The following INTS2 variants were observed in gnomAD, a reference collection of about 807,000 sequenced individuals.
INTS2 encodes KIAA1287.
In INTS2, 57 loss-of-function variants were observed where a neutral mutation model predicts 139.6. The ratio of observed to expected loss-of-function variants is 0.41; its 90% CI spans 0.33 to 0.51. The LOEUF is 0.51. Ranked by LOEUF, INTS2 falls within the 20% of genes least tolerant of loss-of-function variation. The probability of loss-of-function intolerance (pLI) is 0.28; values close to 1 mark genes in which losing one functional copy is unlikely to be tolerated. For missense variants in INTS2, 1,196 were observed against 1,436.7 expected, an observed-to-expected ratio of 0.83 and a Z score of 2.71; for synonymous variants, 473 against 493.4, an observed-to-expected ratio of 0.96 and a Z score of 0.55.
intron 9 of INTS2, among the ~76,000 whole-genome samples, chr17:61,898,185 T>C (rs1031159564): frequency 6.6e-5 from 10 of 152,194 alleles, no homozygotes; most frequent in African/African-American, 2.4e-4. Context: ...AAATGAAATT[T>C]AATTTATAGA....
intron 9 of INTS2, among the ~76,000 whole-genome samples, chr17:61,903,174 G>GAAAAAAAAAA (rs551514700): frequency 1.7e-5 from 1 of 59,928 alleles, no homozygotes; most frequent in Non-Finnish European, 3.4e-5. Flanking sequence ...CTCAAAAAAG[G>GAAAAAAAAAA]AAAAAAAAAA....
At position 61,904,379 on chromosome 17, in the gene INTS2, C is replaced by T. The variant is rs376888100; in HGVS notation, c.1307+81G>A. ...TACCTAGACCAGCTTTTGTAGAAAA[C>T]TCTTATCTAATGCTATACAATTTTA... On this transcript the variant is annotated intron_variant, in intron 9 of 24. Transcript: ENST00000251334. The T allele has an allele frequency of 7.6e-5, 77 of 1,016,666 alleles. 1 individual carries two copies. In the East Asian group the frequency reaches 1.4e-3, roughly 19 times the overall value. The allele number at this position is 1,016,666 out of a possible 1,614,324, so 63.0% of individuals were successfully genotyped here.
At position 61,867,766 on chromosome 17, in the gene INTS2, T is replaced by C. The variant is rs751637649; in HGVS notation, c.3422-40A>G. The stretch of plus-strand genomic sequence containing the variant: ...AAAAAAAACATTAAGGCCAAGAAAT[T>C]TGGAAAGGAATTTGGCCTTTTTGTT... On this transcript the variant is annotated intron_variant, in intron 24 of 24. Transcript: ENST00000251334. This position sits in a 1 kb window ranked among gnomAD's most constrained non-coding sequence, Gnocchi z 5.6. 6.4e-7 allele frequency: 1 copy of C among 1,561,486 alleles called. No individual in the cohort carries two copies. Among genetic ancestry groups the C allele is most frequent in the Non-Finnish European group, 8.6e-7 (1 of 1,156,206 alleles).
Position 61,909,122 on chromosome 17 carries a change from T to C in INTS2, c.955-1488A>G, listed in dbSNP as rs2079496349. The stretch of plus-strand genomic sequence containing the variant: ...TACACACAATGGAATATTATTTTTC[T>C]TTTTTTTTGAGACCGAGTCCTGCTC... On this transcript the variant is annotated intron_variant, in intron 7 of 24. Transcript: ENST00000251334. The surrounding 1 kb of genome is among the most constrained non-coding windows in gnomAD (Gnocchi z 4.9). 9.4e-6 allele frequency among the ~76,000 whole-genome samples: 1 copy of C among 106,480 alleles called. No homozygotes were observed. The highest frequency in any genetic ancestry group is 2.5e-4 in the South Asian group (1 of 4,054). The allele number at this position is 106,480 out of a possible 152,430, so 69.9% of individuals were successfully genotyped here. A position where few individuals can be genotyped will look rare whatever the true frequency, so the allele number is the denominator to read the frequency against.
chr17:61,895,765 G>C (rs1160640787), intron 11 of INTS2, among the ~76,000 whole-genome samples: 2 of 151,774 alleles, frequency 1.3e-5, no homozygotes, highest in Non-Finnish European at 1.5e-5. Flanking sequence ...TGTACAGATA[G>C]ACACACATAC....
At chr17:61,915,022 G>A (rs967280711) in intron 5 of INTS2, among the ~76,000 whole-genome samples, 1 of 151,716 alleles carries the variant, frequency 6.6e-6, no homozygotes, top group East Asian at 2.0e-4. Flanking sequence ...TGGCCAACAT[G>A]GTGAAACTCC....
At chr17:61,874,110 T>C (rs2079109449) in intron 19 of INTS2, 1 of 151,932 alleles carries the variant, frequency 6.6e-6, no homozygotes, top group Admixed American at 6.6e-5. Context: ...GCAGTGGGAG[T>C]GAAGAGGGAA....
At chr17:61,906,206 C>T (rs1009672103) in intron 8 of INTS2, among the ~76,000 whole-genome samples, 1 of 152,130 alleles carries the variant, frequency 6.6e-6, no homozygotes, top group African/African-American at 2.4e-5. Flanking sequence ...AGGTAATGAG[C>T]TCAAAGGAAA....
At chr17:61,922,543 T>TATATATATAC (rs1240177230) in intron 3 of INTS2, among the ~76,000 whole-genome samples, 8 of 125,674 alleles carry the variant, frequency 6.4e-5, no homozygotes, top group African/African-American at 2.3e-4. Context: ...TATATATATA[T>TATATATATAC]ATACGTGTTC....
intron 15 of INTS2, among the ~76,000 whole-genome samples, chr17:61,887,540 A>G (rs1371575696): frequency 6.6e-6 from 1 of 151,964 alleles, no homozygotes; most frequent in Non-Finnish European, 1.5e-5. Context: ...AAATTATTTC[A>G]GGTTCCTAGA....
Position 61,911,551 on chromosome 17 carries a change from C to A in INTS2, c.923G>T (p.Trp308Leu), listed in dbSNP as rs975999193. 6.2e-7 allele frequency: 1 copy of A among 1,613,918 alleles called. No homozygotes were observed. The highest frequency in any genetic ancestry group is 8.5e-7 in the Non-Finnish European group (1 of 1,179,878). ...LLGTNAKVRTWFGTFIRNGQQ... is the reference protein window; with the variant it reads ...LLGTNAKVRTLFGTFIRNGQQ... ...TCCATTTCGGATAAAAGTTCCAAAC[C>A]AAGTCCGGACTTTCGCATTTGTTCC... Residue 308 changes from tryptophan to leucine, a missense_variant, in exon 7 of 25, where the codon TGG becomes TTG. This residue lies in a region of INTS2 where 1,129 missense variants were observed against 1,341.9 expected (regional missense o/e 0.84). Coordinates refer to ENST00000251334, the MANE Select transcript of INTS2 (RefSeq NM_001351695.2).
rs909643773 is a variant in INTS2, at chr17:61,866,416, G to A, written c.*1141C>T. The A allele has an allele frequency of 2.0e-5, 3 of 151,204 alleles. No homozygotes were observed. Among genetic ancestry groups the A allele is most frequent in the Admixed American group, 1.3e-4 (2 of 15,184 alleles). The allele number at this position is 151,204 out of a possible 1,614,324, so 9.4% of individuals were successfully genotyped here. ...CTGTTTCAAGTGGGGGTGGGGAAGT[G>A]TGTGATTGAGGTATATCTCAGAGAG... On this transcript the variant is annotated 3_prime_UTR_variant, in exon 25 of 25. Coordinates refer to ENST00000251334, the MANE Select transcript of INTS2 (RefSeq NM_001351695.2).
chr17:61,877,385 T>C (rs2079135608), intron 18 of INTS2, among the ~76,000 whole-genome samples: 1 of 152,182 alleles, frequency 6.6e-6, no homozygotes, highest in African/African-American at 2.4e-5. Context: ...GGATCCAATC[T>C]ATGAACCAGC....
chr17:61,901,139 G>A (rs1251330319), intron 9 of INTS2, among the ~76,000 whole-genome samples: 4 of 152,094 alleles, frequency 2.6e-5, no homozygotes, highest in African/African-American at 4.8e-5. Flanking sequence ...TAAGCCAGGT[G>A]TGGTGGCCCA....
chr17:61,869,892 G>C lies in INTS2; in HGVS notation c.2875C>G (p.Gln959Glu), dbSNP rs1037877921. ...GGAGCGCTGGTGGTAATAACACTTT[G>C]AACATTTCTTAACAAGCTATCTGGA... ...VNPDSLLRNV[Q>E]SVITTSAPNK... The change falls in exon 21 of 25, where the codon CAA becomes GAA. Residue 959 changes from glutamine (Q) to glutamate (E), a missense_variant. Gln to Glu is a conservative substitution (Grantham distance 29). This residue lies in a region of INTS2 where 1,129 missense variants were observed against 1,341.9 expected (regional missense o/e 0.84). Coordinates refer to ENST00000251334, the MANE Select transcript of INTS2 (RefSeq NM_001351695.2). The surrounding 1 kb of genome is among the most constrained non-coding windows in gnomAD (Gnocchi z 5.4). 3.1e-6 allele frequency: 5 copies of C among 1,613,738 alleles called. No individual in the cohort carries two copies. Among genetic ancestry groups the C allele is most frequent in the African/African-American group, 1.3e-5 (1 of 74,906 alleles).
Position 61,927,740 on chromosome 17 carries a change from C to T in INTS2, c.-105G>A, listed in dbSNP as rs1025974180. On this transcript the variant is annotated 5_prime_UTR_variant, in exon 1 of 25. Coordinates refer to ENST00000251334, the MANE Select transcript of INTS2 (RefSeq NM_001351695.2). ...CGCGGCAGAAATCGAGAGCGCGGTC[C>T]GATGTTGGGCCTAGGCGATATCCGG... The T allele has an allele frequency of 2.2e-5, 33 of 1,482,956 alleles. No homozygotes were observed. The highest frequency in any genetic ancestry group is 2.9e-5 in the Non-Finnish European group (32 of 1,119,840). The allele number at this position is 1,482,956 out of a possible 1,614,324, so 91.9% of individuals were successfully genotyped here.
intron 14 of INTS2, 36 bp from the exon 15 acceptor site, chr17:61,889,930 G>A (rs1475003560): frequency 3.9e-6 from 5 of 1,279,918 alleles, no homozygotes; most frequent in Non-Finnish European, 5.6e-6. Context: ...GAAATACTCT[G>A]AATTTCACGA....
Position 61,871,160 on chromosome 17 carries a change from G to A in INTS2, c.2778+1105C>T, listed in dbSNP as rs903020691. Reference sequence around the variant, plus strand: ...TGTTGAGATGGAGTCTCGCTCTGTCGCCCAGGCTGTAGTGCAGAGGCACGA... The same window carrying A: ...TGTTGAGATGGAGTCTCGCTCTGTCACCCAGGCTGTAGTGCAGAGGCACGA... On this transcript the variant is annotated intron_variant, in intron 20 of 24. Coordinates refer to ENST00000251334, the MANE Select transcript of INTS2 (RefSeq NM_001351695.2). This position sits in a 1 kb window ranked among gnomAD's most constrained non-coding sequence, Gnocchi z 4.9. Among the ~76,000 whole-genome samples the A allele has an allele frequency of 2.6e-5, 4 of 151,898 alleles. No homozygotes were observed. Among genetic ancestry groups the A allele is most frequent in the Admixed American group, 1.3e-4 (2 of 15,248 alleles).
Position 61,877,876 on chromosome 17 carries a change from A to G in INTS2, c.2456+11T>C, listed in dbSNP as rs2079139457. On this transcript the variant is annotated intron_variant, in intron 18 of 24. Coordinates refer to ENST00000251334, the MANE Select transcript of INTS2 (RefSeq NM_001351695.2). The stretch of plus-strand genomic sequence containing the variant: ...AATTATCTATTACATGTAACAATAC[A>G]CTGAATTTACCTTCTAGGCATCACA... 1 of 1,589,926 alleles carries G rather than the reference A, an allele frequency of 6.3e-7. No homozygotes were observed. The highest frequency in any genetic ancestry group is 1.1e-5 in the South Asian group (1 of 90,562).
Sources: allele counts gnomAD v4.1 joint callset (sites outside exome capture counted in the v4.1 genomes callset), GRCh38; gene constraint gnomAD v4.1.1; regional missense constraint gnomAD v4.1.1; non-coding constraint Gnocchi (gnomAD v3.1); transcripts MANE v1.5; gene names NCBI Gene and HGNC (gene_info 2026-07-23, HGNC 2026-07-21).